The following CNTNAP5 variants were observed in gnomAD, a reference collection of about 807,000 sequenced individuals.
CNTNAP5 encodes contactin associated protein family member 5, also known as contactin-associated protein-like 5.
A neutral mutation model predicts 150.2 loss-of-function variants in CNTNAP5; 72 were observed. The observed-to-expected ratio is 0.48, with a 90% CI of 0.40 to 0.58. The LOEUF is 0.58. Among genes scored for constraint, CNTNAP5 ranks in the 20% least tolerant of loss-of-function variants. The pLI is 0.00. For synonymous variants in CNTNAP5, 672 were observed against 619.8 expected, an observed-to-expected ratio of 1.08 and a Z score of -1.25; for missense variants, 1,636 against 1,626.2, an observed-to-expected ratio of 1.01 and a Z score of -0.10.
At chr2:124,221,906 C>A in intron 2 of CNTNAP5, 97 bp downstream of exon 2, 2 of 730,908 alleles carry the variant, frequency 2.7e-6, no homozygotes, top group South Asian at 1.6e-5. Flanking sequence ...GAAATCATGT[C>A]CAATGGCCGT....
rs77251756 is a variant in CNTNAP5 at position 124,588,585 on chromosome 2, C to A, written c.1757-21216C>A. ...TCAATTCAGCTTTGAATTACTGGGA[C>A]AGTTTATATTGAGCTTGCTTATGTA... On this transcript the variant is annotated intron_variant, in intron 11 of 23. Transcript: ENST00000682447. Among the ~76,000 whole-genome samples, 185 of 151,996 alleles carry A rather than the reference C, an allele frequency of 1.2e-3. 3 individuals are homozygous for A. In the East Asian group the frequency reaches 0.034, roughly 28 times the overall value.
At chr2:124,875,261 C>A (rs532341286) in intron 21 of CNTNAP5, among the ~76,000 whole-genome samples, 1 of 152,142 alleles carries the variant, frequency 6.6e-6, no homozygotes, top group South Asian at 2.1e-4. Context: ...TTATAGAAAG[C>A]ACAGAAGAAT....
intron 21 of CNTNAP5, among the ~76,000 whole-genome samples, chr2:124,876,026 C>G (rs1041345423): frequency 4.6e-5 from 7 of 152,096 alleles, no homozygotes; most frequent in Admixed American, 6.6e-5. Flanking sequence ...GTTTCTCACT[C>G]CACATTTGAC....
chr2:124,715,340 T>C (rs1679922958), intron 13 of CNTNAP5, among the ~76,000 whole-genome samples: 1 of 152,162 alleles, frequency 6.6e-6, no homozygotes, highest in Admixed American at 6.5e-5. Flanking sequence ...TAGCAACATC[T>C]TGAACACCAT....
At chr2:124,481,555 A>G (rs1400633585) in intron 7 of CNTNAP5, among the ~76,000 whole-genome samples, 1 of 152,230 alleles carries the variant, frequency 6.6e-6, no homozygotes, top group Non-Finnish European at 1.5e-5. Flanking sequence ...GCAACCAGCC[A>G]GAGAGGAAAA....
At chr2:124,521,164 A>T (rs1229983109) in intron 8 of CNTNAP5, among the ~76,000 whole-genome samples, 1 of 152,104 alleles carries the variant, frequency 6.6e-6, no homozygotes, top group Non-Finnish European at 1.5e-5. Context: ...GGACCTTTGA[A>T]CCTTCCAAGT....
intron 3 of CNTNAP5, among the ~76,000 whole-genome samples, chr2:124,393,153 A>C (rs60062737): frequency 1.3e-5 from 2 of 152,008 alleles, no homozygotes; most frequent in Admixed American, 6.6e-5. Context: ...CCAATTTACC[A>C]CTGTAGATTG....
chr2:124,891,292 A>C (rs1331001429), intron 21 of CNTNAP5, among the ~76,000 whole-genome samples: 3 of 152,044 alleles, frequency 2.0e-5, no homozygotes, highest in African/African-American at 7.2e-5. Flanking sequence ...ATTTAGTCTG[A>C]GGACCTCTCC....
intron 13 of CNTNAP5, among the ~76,000 whole-genome samples, chr2:124,712,812 A>G (rs1052654029): frequency 1.3e-5 from 2 of 151,724 alleles, no homozygotes; most frequent in African/African-American, 4.8e-5. Flanking sequence ...CAATAATGCA[A>G]TTGTAGCTCA....
chr2:124,422,568 A>G (rs1379689983), intron 4 of CNTNAP5, among the ~76,000 whole-genome samples: 5 of 152,216 alleles, frequency 3.3e-5, no homozygotes. Context: ...CTGGATTGTC[A>G]ACATTGCCAA....
At chr2:124,610,262 A>C (rs1677351406) in intron 12 of CNTNAP5, among the ~76,000 whole-genome samples, 1 of 152,206 alleles carries the variant, frequency 6.6e-6, no homozygotes, top group African/African-American at 2.4e-5. Context: ...AAAACTCCAA[A>C]TCAGTGGGAA....
intron 19 of CNTNAP5, among the ~76,000 whole-genome samples, chr2:124,842,904 A>T (rs1345489240): frequency 2.7e-5 from 4 of 150,614 alleles, no homozygotes; most frequent in Non-Finnish European, 4.4e-5. Flanking sequence ...TCTCTTTTTA[A>T]TTTTTTTTTT....
intron 11 of CNTNAP5, among the ~76,000 whole-genome samples, chr2:124,601,407 C>T (rs1696980655): frequency 1.3e-5 from 2 of 152,190 alleles, no homozygotes; most frequent in Non-Finnish European, 2.9e-5. Context: ...AGGCAAACCA[C>T]AGACATTTGT....
chr2:124,169,164 T>C (rs1412345860), intron 1 of CNTNAP5, among the ~76,000 whole-genome samples: 1 of 152,126 alleles, frequency 6.6e-6, no homozygotes, highest in Non-Finnish European at 1.5e-5. Context: ...CCCTCATGCA[T>C]ACTTAGAGAA....
At chr2:124,338,821 C>T (rs1008799021) in intron 3 of CNTNAP5, among the ~76,000 whole-genome samples, 3 of 152,036 alleles carry the variant, frequency 2.0e-5, no homozygotes, top group African/African-American at 4.8e-5. Context: ...ACCAAAGTGC[C>T]ATACTTTGGG....
intron 2 of CNTNAP5, among the ~76,000 whole-genome samples, chr2:124,236,420 A>G (rs1686747906): frequency 6.6e-6 from 1 of 152,168 alleles, no homozygotes; most frequent in South Asian, 2.1e-4. Context: ...TTTCCTCCTC[A>G]AAGATTCTTG....
intron 1 of CNTNAP5, among the ~76,000 whole-genome samples, chr2:124,115,304 C>T (rs1359974784): frequency 2.0e-5 from 3 of 152,070 alleles, no homozygotes; most frequent in Non-Finnish European, 4.4e-5. Flanking sequence ...AAACCATGGA[C>T]ACATTAAGAG....
chr2:124,830,366 A>C (rs1682687487), intron 19 of CNTNAP5, among the ~76,000 whole-genome samples: 1 of 152,102 alleles, frequency 6.6e-6, no homozygotes, highest in Non-Finnish European at 1.5e-5. Flanking sequence ...CAACACAGGA[A>C]TTATCTTAAT....
intron 13 of CNTNAP5, among the ~76,000 whole-genome samples, chr2:124,651,712 T>G (rs970173074): frequency 7.2e-5 from 11 of 152,194 alleles, no homozygotes; most frequent in Non-Finnish European, 1.6e-4. Flanking sequence ...ATAAATTTCC[T>G]TATTGTGTAG....
Sources: allele counts gnomAD v4.1 joint callset (sites outside exome capture counted in the v4.1 genomes callset), GRCh38; gene constraint gnomAD v4.1.1; transcripts MANE v1.5; gene names NCBI Gene and HGNC (gene_info 2026-07-23, HGNC 2026-07-21).